The following ZBTB46 variants were observed in gnomAD, a reference collection of about 807,000 sequenced individuals.
ZBTB46 encodes the protein zinc finger and BTB domain containing 46, also known as zinc finger and BTB domain-containing protein 46.
Under a neutral mutation model 44.1 loss-of-function variants are expected in ZBTB46, and 8 were observed. That is an observed-to-expected ratio of 0.18 (90% CI 0.11 to 0.33). The LOEUF is 0.33. Among genes scored for constraint, ZBTB46 ranks in the 10% least tolerant of loss-of-function variants. The probability of loss-of-function intolerance (pLI) is 1.00; values close to 1 mark genes in which losing one functional copy is unlikely to be tolerated. For missense variants in ZBTB46, 651 were observed against 847.7 expected, an observed-to-expected ratio of 0.77 and a Z score of 2.88; for synonymous variants, 409 against 382.3, an observed-to-expected ratio of 1.07 and a Z score of -0.81.
Position 63,752,209 on chromosome 20 carries a change from C to T in ZBTB46, c.1398+477G>A, listed in dbSNP as rs2092174580. Among the ~76,000 whole-genome samples the T allele has an allele frequency of 6.6e-6, 1 of 152,170 alleles. No individual in the cohort carries two copies. The highest frequency in any genetic ancestry group is 2.1e-4 in the South Asian group (1 of 4,828). ...AATCTGCCTCCCTGTTCCCAGGCTGCCTTTTTCTATTATTTCCTCCCCAAG... is the reference window on the plus strand; with the variant it reads ...AATCTGCCTCCCTGTTCCCAGGCTGTCTTTTTCTATTATTTCCTCCCCAAG... On this transcript the variant is annotated intron_variant, in intron 4 of 4. Coordinates refer to ENST00000245663, the MANE Select transcript of ZBTB46 (RefSeq NM_001369741.1). This position sits in a 1 kb window ranked among gnomAD's most constrained non-coding sequence, Gnocchi z 5.6.
chr20:63,789,227 G>A (rs957402174), intron 2 of ZBTB46, among the ~76,000 whole-genome samples: 1 of 152,128 alleles, frequency 6.6e-6, no homozygotes, highest in Admixed American at 6.6e-5. Flanking sequence ...TCCACTTGCC[G>A]GGAAAGGCTG....
chr20:63,832,482 G>A (rs1306719406), upstream of ZBTB46, among the ~76,000 whole-genome samples: 1 of 152,152 alleles, frequency 6.6e-6, no homozygotes, highest in African/African-American at 2.4e-5. The surrounding 1 kb of genome is among the most constrained non-coding windows in gnomAD (Gnocchi z 5.0). Flanking sequence ...CGGCCCTATG[G>A]GTGCTTTCAA....
At chr20:63,773,205 A>AAATTGTTC (rs71937662) in intron 3 of ZBTB46, among the ~76,000 whole-genome samples, 78 of 81,216 alleles carry the variant, frequency 9.6e-4, no homozygotes, top group Middle Eastern at 7.6e-3. Context: ...AAGCACAAAC[A>AAATTGTTC]AATTGTTTCC....
intron 4 of ZBTB46, among the ~76,000 whole-genome samples, chr20:63,751,159 T>C (rs1270797369): frequency 1.6e-5 from 2 of 124,268 alleles, no homozygotes; most frequent in African/African-American, 6.0e-5. Flanking sequence ...TATAAGTGGT[T>C]TGTAAGATCA....
intron 3 of ZBTB46, among the ~76,000 whole-genome samples, chr20:63,761,708 G>A (rs1338053318): frequency 1.3e-5 from 2 of 151,036 alleles, no homozygotes; most frequent in South Asian, 4.2e-4. Context: ...CTTGAACCCC[G>A]GAGGCAGAGG....
intron 2 of ZBTB46, among the ~76,000 whole-genome samples, chr20:63,780,014 T>C (rs2092456182): frequency 6.6e-6 from 1 of 152,138 alleles, no homozygotes; most frequent in Non-Finnish European, 1.5e-5. Flanking sequence ...GTCTCATGCC[T>C]GTAATCCCAG....
At chr20:63,765,090 CATGTGT>C (rs2092308927) in intron 3 of ZBTB46, among the ~76,000 whole-genome samples, 1 of 127,118 alleles carries the variant, frequency 7.9e-6, no homozygotes, top group Admixed American at 7.7e-5. Context: ...TGCATGTGTG[CATGTGT>C]ATGTGTGGTT....
intron 1 of ZBTB46, among the ~76,000 whole-genome samples, chr20:63,823,962 C>T (rs776302149): frequency 2.0e-5 from 3 of 151,818 alleles, no homozygotes; most frequent in Admixed American, 6.6e-5. Context: ...ACAGGACTAA[C>T]GTAAACGACC....
intron 3 of ZBTB46, among the ~76,000 whole-genome samples, chr20:63,770,759 C>T (rs2092362462): frequency 6.6e-6 from 1 of 152,238 alleles, no homozygotes; most frequent in Non-Finnish European, 1.5e-5. Flanking sequence ...GTGGGATCCC[C>T]ACCCGGCACC....
At chr20:63,756,860 C>G (rs2092224962) in intron 3 of ZBTB46, among the ~76,000 whole-genome samples, 1 of 152,234 alleles carries the variant, frequency 6.6e-6, no homozygotes, top group Non-Finnish European at 1.5e-5. Context: ...GTGCGTGGTA[C>G]TCCATGACAC....
chr20:63,756,642 G>A (rs1190624874), intron 3 of ZBTB46, among the ~76,000 whole-genome samples: 1 of 152,158 alleles, frequency 6.6e-6, no homozygotes, highest in Non-Finnish European at 1.5e-5. Flanking sequence ...ACCACACATC[G>A]CCAAACAGGC....
chr20:63,801,591 T>C (rs2092645778), intron 1 of ZBTB46, among the ~76,000 whole-genome samples: 1 of 152,204 alleles, frequency 6.6e-6, no homozygotes, highest in South Asian at 2.1e-4. Context: ...GCTCACTCTT[T>C]GGGTCCACAC....
At chr20:63,825,704 C>T (rs2092816116) in intron 1 of ZBTB46, among the ~76,000 whole-genome samples, 1 of 152,184 alleles carries the variant, frequency 6.6e-6, no homozygotes, top group South Asian at 2.1e-4. Context: ...ACAACCAGGC[C>T]TTCGAGTTTC....
intron 3 of ZBTB46, among the ~76,000 whole-genome samples, chr20:63,771,952 G>A (rs1329109766): frequency 2.0e-5 from 3 of 152,004 alleles, no homozygotes; most frequent in Non-Finnish European, 4.4e-5. Context: ...ACAGGCGAAG[G>A]ATGCTGACAA....
At chr20:63,801,552 T>C (rs1415973989) in intron 1 of ZBTB46, among the ~76,000 whole-genome samples, 1 of 152,182 alleles carries the variant, frequency 6.6e-6, no homozygotes, top group African/African-American at 2.4e-5. Context: ...AGTGTTGTTC[T>C]TTTGCTCTTT....
intron 4 of ZBTB46, among the ~76,000 whole-genome samples, chr20:63,748,815 T>C (rs1353904011): frequency 2.0e-5 from 3 of 152,236 alleles, no homozygotes; most frequent in Non-Finnish European, 2.9e-5. Flanking sequence ...TAGCTCTTCC[T>C]TAAACCATTC....
At chr20:63,800,456 C>G (rs2092634889) in intron 1 of ZBTB46, among the ~76,000 whole-genome samples, 2 of 152,384 alleles carry the variant, frequency 1.3e-5, no homozygotes, top group South Asian at 4.1e-4. Flanking sequence ...AGCGCCCACT[C>G]TGGCTGCACT....
chr20:63,772,720 AAAAC>A (rs1172759610), intron 3 of ZBTB46, among the ~76,000 whole-genome samples: 46 of 113,134 alleles, frequency 4.1e-4, no homozygotes, highest in Non-Finnish European at 4.6e-4. Context: ...CCCTGTCTCA[AAAAC>A]ACACACACAC....
At position 63,768,097 on chromosome 20, in the gene ZBTB46, A is replaced by G. The variant is rs986387713; in HGVS notation, c.1222+7581T>C. ...CCTGGGATGTTGTCCAATCACTACT[A>G]AGACAGCCTGTCAACAGCCATCTGG... On this transcript the variant is annotated intron_variant, in intron 3 of 4. Transcript: ENST00000245663. 14 of 985,334 alleles carry G rather than the reference A, an allele frequency of 1.4e-5. No homozygotes were observed. The African/African-American group carries it at 2.3e-4, about 16-fold the overall frequency. 61.0% of individuals were successfully genotyped at this position (985,334 alleles called of 1,614,324 possible).
Sources: gnomAD v4.1 joint callset for allele counts (sites outside exome capture counted in the v4.1 genomes callset) on GRCh38, gnomAD v4.1.1 for gene constraint, Gnocchi (gnomAD v3.1) non-coding constraint, MANE v1.5 for transcripts, NCBI Gene and HGNC (gene_info 2026-07-23, HGNC 2026-07-21) for gene names.